STK24: variants seen among roughly 807,000 people sequenced by gnomAD.
The protein encoded by STK24 is serine/threonine-protein kinase 24.
Under a neutral mutation model 55.6 loss-of-function variants are expected in STK24, and 21 were observed. The observed-to-expected ratio is 0.38, with a 90% CI of 0.27 to 0.54. The LOEUF (loss-of-function observed/expected upper bound fraction) is 0.54. Ranked by LOEUF, STK24 falls within the 20% of genes least tolerant of loss-of-function variation. STK24 has a pLI of 0.79. For synonymous variants in STK24, 200 were observed against 215.2 expected, an observed-to-expected ratio of 0.93 and a Z score of 0.62; for missense variants, 383 against 538.4, an observed-to-expected ratio of 0.71 and a Z score of 2.86.
chr13:98,541,559 TA>T (rs1365491973), intron 1 of STK24, among the ~76,000 whole-genome samples: 10 of 152,210 alleles, frequency 6.6e-5, no homozygotes, highest in African/African-American at 2.4e-4. Flanking sequence ...TAATTTACAA[TA>T]AACTTTTAAA....
intron 1 of STK24, among the ~76,000 whole-genome samples, chr13:98,569,075 C>G (rs150382982): frequency 6.6e-6 from 1 of 152,100 alleles, no homozygotes; most frequent in East Asian, 1.9e-4. Flanking sequence ...CACTCCAAGC[C>G]ACATCATTGT....
chr13:98,505,758 C>T (rs1895659865), intron 2 of STK24, among the ~76,000 whole-genome samples: 1 of 152,236 alleles, frequency 6.6e-6, no homozygotes. Flanking sequence ...ACTAACTGCA[C>T]AGCTAGCAAA....
chr13:98,546,902 T>TTG (rs1002972725), intron 1 of STK24, among the ~76,000 whole-genome samples: 6 of 151,796 alleles, frequency 4.0e-5, no homozygotes, highest in African/African-American at 7.3e-5. Flanking sequence ...CTAATTGTTG[T>TTG]TTTTTTTTGT....
At chr13:98,500,158 T>C (rs148187216) in intron 2 of STK24, among the ~76,000 whole-genome samples, 136 of 152,340 alleles carry the variant, frequency 8.9e-4, no homozygotes, top group South Asian at 2.7e-3. Context: ...ATTTCAGGAA[T>C]TGCCTTTTAT....
chr13:98,566,541 C>A (rs1897576256), intron 1 of STK24, among the ~76,000 whole-genome samples: 1 of 152,254 alleles, frequency 6.6e-6, no homozygotes, highest in South Asian at 2.1e-4. Context: ...GACAGCCATT[C>A]CCTCAGCAGA....
intron 2 of STK24, among the ~76,000 whole-genome samples, chr13:98,499,908 T>C (rs1895385761): frequency 6.6e-6 from 1 of 152,108 alleles, no homozygotes; most frequent in South Asian, 2.1e-4. Context: ...GACAAAAAGA[T>C]TTCAGGATAA....
At chr13:98,490,283 A>G (rs2139320827) in intron 2 of STK24, among the ~76,000 whole-genome samples, 1 of 152,364 alleles carries the variant, frequency 6.6e-6, no homozygotes, top group South Asian at 2.1e-4. Context: ...CAGGCCCCAA[A>G]TGCTGAACCT....
At position 98,452,952 on chromosome 13, in the gene STK24, A is replaced by T; in HGVS notation, c.*221T>A. On this transcript the variant is annotated 3_prime_UTR_variant, in exon 11 of 11. Transcript: ENST00000539966. Reference sequence around the variant, plus strand: ...AAAAGTAATAAAATAAAATAAAATGATCGCTGGAAGGAGCTGACCCTCCCC... The same window carrying T: ...AAAAGTAATAAAATAAAATAAAATGTTCGCTGGAAGGAGCTGACCCTCCCC... The T allele has an allele frequency of 4.5e-6, 2 of 448,312 alleles. No homozygotes were observed. The highest frequency in any genetic ancestry group is 7.9e-6 in the Non-Finnish European group (2 of 254,518). 27.8% of individuals were successfully genotyped at this position (448,312 alleles called of 1,614,324 possible).
rs566012945 is a variant in STK24 at position 98,474,446 on chromosome 13, G to A, written c.597+375C>T. On this transcript the variant is annotated intron_variant, in intron 5 of 10. Coordinates refer to ENST00000539966, the MANE Select transcript of STK24 (RefSeq NM_001032296.4). Reference sequence around the variant, plus strand: ...TGCCGATTCCACGCACTTGCACTTCGACCCCCAGCTGTGCCCAGACAGCAG... The same window carrying A: ...TGCCGATTCCACGCACTTGCACTTCAACCCCCAGCTGTGCCCAGACAGCAG... Among the ~76,000 whole-genome samples, 12 of 152,032 alleles carry A rather than the reference G, an allele frequency of 7.9e-5. No homozygotes were observed. In the East Asian group the frequency reaches 1.4e-3, roughly 17 times the overall value.
At chr13:98,521,378 G>A (rs1482893256) in intron 1 of STK24, among the ~76,000 whole-genome samples, 1 of 152,124 alleles carries the variant, frequency 6.6e-6, no homozygotes, top group Non-Finnish European at 1.5e-5. Context: ...GTGTTTACAG[G>A]TTTTAAAAAA....
intron 2 of STK24, among the ~76,000 whole-genome samples, chr13:98,496,931 C>A (rs1457357066): frequency 6.6e-6 from 1 of 152,196 alleles, no homozygotes; most frequent in African/African-American, 2.4e-5. Flanking sequence ...CAGTGAAATG[C>A]GCAAGCCACA....
At chr13:98,535,572 C>T (rs1896707335) in intron 1 of STK24, among the ~76,000 whole-genome samples, 3 of 152,108 alleles carry the variant, frequency 2.0e-5, no homozygotes, top group Admixed American at 1.3e-4. Context: ...AGTGGCAGCT[C>T]CCACTGCTGA....
Position 98,461,794 on chromosome 13 carries a change from A to G in STK24, c.1033T>C (p.Ser345Pro), listed in dbSNP as rs1384915644. 3 of 1,613,972 alleles carry G rather than the reference A, an allele frequency of 1.9e-6. No homozygotes were observed. The highest frequency in any genetic ancestry group is 2.2e-5 in the South Asian group (2 of 91,086). ...KNLENGALQP[S>P]DLDRNKMKDI... ...CGTACCTTATTTCTGTCCAAGTCCG[A>G]TGGCTGAAGAGCTCCATTCTCGAGA... Residue 345 changes from serine (S) to proline (P), a missense_variant, in exon 8 of 11, where the codon TCG (serine) becomes CCG (proline). By Grantham distance (74) the Ser-to-Pro change is moderately conservative. Transcript: ENST00000539966.
Position 98,447,020 on chromosome 13 carries a change from T to TA in STK24, c.*6152dup. 8.9e-6 allele frequency: 5 copies of TA among 559,760 alleles called. No individual in the cohort carries two copies. The highest frequency in any genetic ancestry group is 1.3e-5 in the Non-Finnish European group (4 of 313,628). The allele number at this position is 559,760 out of a possible 1,614,324, so 34.7% of individuals were successfully genotyped here. On this transcript the variant is annotated 3_prime_UTR_variant, in exon 11 of 11. Coordinates refer to ENST00000539966, the MANE Select transcript of STK24 (RefSeq NM_001032296.4). ...TGGGGTCCCAACTTCCCTGCGCCCT[T>TA]ACCCTGCACGGTGTTGGCTGAGGCC... is the stretch of plus-strand genomic sequence containing the variant.
At chr13:98,460,481 C>T (rs973305375) in intron 8 of STK24, 41 bp from the exon 9 acceptor site, 11 of 1,559,134 alleles carry the variant, frequency 7.1e-6, no homozygotes, top group African/African-American at 4.1e-5. Flanking sequence ...AAACAGTTGA[C>T]GTTCACATTG....
chr13:98,576,118 C>T (rs1261963131), intron 1 of STK24: 2 of 984,990 alleles, frequency 2.0e-6, no homozygotes, highest in Admixed American at 6.2e-5. Context: ...TTCCTCCTTC[C>T]AGAAGGTTTG....
At chr13:98,462,282 T>C (rs1180566568) in intron 7 of STK24, among the ~76,000 whole-genome samples, 1 of 152,170 alleles carries the variant, frequency 6.6e-6, no homozygotes, top group African/African-American at 2.4e-5. Context: ...CTCATGCCTG[T>C]CATTCCAACA....
intron 1 of STK24, among the ~76,000 whole-genome samples, chr13:98,558,033 G>A (rs529365219): frequency 3.5e-4 from 54 of 152,156 alleles, no homozygotes; most frequent in South Asian, 1.2e-3. Flanking sequence ...CGCTACTTCT[G>A]AGCCTTATAC....
At chr13:98,467,025 G>A (rs745639) in intron 5 of STK24, among the ~76,000 whole-genome samples, 38,459 of 152,090 alleles carry the variant, frequency 0.25, 5,003 homozygotes, top group Non-Finnish European at 0.3. Flanking sequence ...GTCCTGTGAC[G>A]TTAGATGAAA....
Sources: gnomAD v4.1 joint callset for allele counts (sites outside exome capture counted in the v4.1 genomes callset) on GRCh38, gnomAD v4.1.1 for gene constraint, MANE v1.5 for transcripts, NCBI Gene and HGNC (gene_info 2026-07-23, HGNC 2026-07-21) for gene names.